Variants in TRIM62 observed in about 807,000 individuals in gnomAD.
TRIM62 encodes the protein E3 ubiquitin-protein ligase TRIM62.
TRIM62 carries 39 observed loss-of-function variants against 44.2 expected under a neutral mutation model. That is an observed-to-expected ratio of 0.88 (90% confidence interval 0.68 to 1.15). The LOEUF is 1.15. TRIM62 is among the 50% of genes most tolerant of loss of function. The probability of loss-of-function intolerance (pLI) is 0.00; values close to 1 mark genes in which losing one functional copy is unlikely to be tolerated. For synonymous variants in TRIM62, 278 were observed against 292.3 expected (o/e 0.95, Z 0.50); for missense variants, 544 against 665.5 (o/e 0.82, Z 2.01).
chr1:33,174,474 G>A (rs762374061), intron 1 of TRIM62, among the ~76,000 whole-genome samples: 11 of 152,138 alleles, frequency 7.2e-5, no homozygotes, highest in Non-Finnish European at 1.0e-4. Flanking sequence ...GTGAGCTACT[G>A]TGCCCAGCTA....
At chr1:33,151,516 G>A (rs1645097874) in intron 4 of TRIM62, among the ~76,000 whole-genome samples, 1 of 152,080 alleles carries the variant, frequency 6.6e-6, no homozygotes, top group African/African-American at 2.4e-5. Context: ...GACCTAGAAG[G>A]GGCATGGCAA....
intron 1 of TRIM62, chr1:33,176,667 G>A: frequency 4.8e-6 from 2 of 417,642 alleles, no homozygotes; most frequent in Admixed American, 7.8e-5. Context: ...CAGGCAGGGT[G>A]GCTGGGAGAC....
chr1:33,169,398 T>C (rs1308077028), intron 1 of TRIM62, among the ~76,000 whole-genome samples: 1 of 152,148 alleles, frequency 6.6e-6, no homozygotes, highest in Non-Finnish European at 1.5e-5. Flanking sequence ...CTGCCTCTGG[T>C]TCGGTTTTTA....
rs1408513024 is a variant in TRIM62 at position 33,181,259 on chromosome 1, G to A, written c.174C>T (p.Ala58=). 14 of 1,548,232 alleles carry A rather than the reference G, an allele frequency of 9.0e-6. No homozygotes were observed. Among genetic ancestry groups the A allele is most frequent in the Non-Finnish European group, 1.2e-5 (14 of 1,152,530 alleles). ...RDCPECRRTF[A]EPALAPSLKL... ...TGAGGCTGGGCGCCAGCGCGGGCTCGGCGAACGTGCGCCGGCACTCGGGGC... is the reference window on the plus strand; with the variant it reads ...TGAGGCTGGGCGCCAGCGCGGGCTCAGCGAACGTGCGCCGGCACTCGGGGC... The change falls in exon 1 of 5, where the codon GCC becomes GCT. Residue 58 remains alanine, a synonymous_variant. Transcript: ENST00000291416. This position sits in a 1 kb window ranked among gnomAD's most constrained non-coding sequence, Gnocchi z 6.5.
intron 4 of TRIM62, among the ~76,000 whole-genome samples, chr1:33,149,820 T>C (rs143196730): frequency 6.6e-6 from 1 of 152,300 alleles, no homozygotes; most frequent in Non-Finnish European, 1.5e-5. Context: ...TGATCACATT[T>C]TGCCCTATTT....
chr1:33,158,648 G>A (rs950052209), intron 3 of TRIM62, among the ~76,000 whole-genome samples: 5 of 152,136 alleles, frequency 3.3e-5, no homozygotes, highest in Admixed American at 2.6e-4. Context: ...CACAGTGCTC[G>A]GTCACGGTCA....
intron 1 of TRIM62, among the ~76,000 whole-genome samples, chr1:33,178,631 T>TC (rs1645439022): frequency 6.6e-6 from 1 of 152,138 alleles, no homozygotes; most frequent in South Asian, 2.1e-4. Context: ...AAAGTCCTGG[T>TC]AGGAAGGAAG....
chr1:33,160,355 TGAAG>T (rs1645247970), intron 2 of TRIM62, among the ~76,000 whole-genome samples: 1 of 151,960 alleles, frequency 6.6e-6, no homozygotes, highest in Non-Finnish European at 1.5e-5. Flanking sequence ...GGGGACAGGG[TGAAG>T]ATGTTCTCTC....
chr1:33,180,927 A>G, intron 1 of TRIM62, 98 bp downstream of exon 1: 4 of 673,712 alleles, frequency 5.9e-6, no homozygotes, highest in Non-Finnish European at 8.4e-6. Flanking sequence ...GACCATTCTG[A>G]CTGGGCCTGG....
intron 4 of TRIM62, among the ~76,000 whole-genome samples, chr1:33,155,519 T>C (rs1557752455): frequency 6.6e-6 from 1 of 152,100 alleles, no homozygotes; most frequent in Non-Finnish European, 1.5e-5. Context: ...GCCTCCTTCC[T>C]GGTGTGTGTG....
chr1:33,147,473 T>C lies in TRIM62; in HGVS notation c.1132A>G (p.Ile378Val). Reference protein sequence around the residue: ...AHEAASRKGSIQIQPSRGFYC... With the variant: ...AHEAASRKGSVQIQPSRGFYC... Reference sequence around the variant, plus strand: ...AAGCCGCGGCTGGGCTGGATCTGGATGCTGCCCTTGCGGCTTGCGGCTTCG... The same window carrying C: ...AAGCCGCGGCTGGGCTGGATCTGGACGCTGCCCTTGCGGCTTGCGGCTTCG... Residue 378 changes from isoleucine to valine, a missense_variant, in exon 5 of 5, where the codon ATC (isoleucine) becomes GTC (valine). Transcript: ENST00000291416. This position sits in a 1 kb window ranked among gnomAD's most constrained non-coding sequence, Gnocchi z 8.1. 1.2e-6 allele frequency: 2 copies of C among 1,613,938 alleles called. No homozygotes were observed. The highest frequency in any genetic ancestry group is 1.7e-6 in the Non-Finnish European group (2 of 1,179,998).
At chr1:33,151,809 C>T (rs673894) in intron 4 of TRIM62, among the ~76,000 whole-genome samples, 139,941 of 152,266 alleles carry the variant, frequency 0.92, 65,037 homozygotes, top group Non-Finnish European at 0.99. Flanking sequence ...AGATGTTTCC[C>T]GGCCACCACT....
At chr1:33,160,750 G>A (rs1035701994) in intron 2 of TRIM62, among the ~76,000 whole-genome samples, 3 of 152,134 alleles carry the variant, frequency 2.0e-5, no homozygotes, top group Non-Finnish European at 2.9e-5. Context: ...CATTCAGGGG[G>A]CTCAAGGAAA....
chr1:33,145,854 T>G lies in TRIM62; in HGVS notation c.*1323A>C. ...GGGGCTTGCTCCACCCACCCTAACT[T>G]CCTTCTAGGGAAATGACATTTCCCA... On this transcript the variant is annotated 3_prime_UTR_variant, in exon 5 of 5. Transcript: ENST00000291416. 2.1e-6 allele frequency: 1 copy of G among 471,068 alleles called. No individual in the cohort carries two copies. Among genetic ancestry groups the G allele is most frequent in the Middle Eastern group, 3.2e-4 (1 of 3,078 alleles). The allele number at this position is 471,068 out of a possible 1,614,324, so 29.2% of individuals were successfully genotyped here. A position where few individuals can be genotyped will look rare whatever the true frequency, so the allele number is the denominator to read the frequency against.
intron 2 of TRIM62, 150 bp from the exon 3 acceptor site, chr1:33,160,094 G>T: frequency 9.6e-7 from 1 of 1,038,774 alleles, no homozygotes. Flanking sequence ...CAAAAGCATG[G>T]TGGTAGGAAA....
chr1:33,174,953 A>G (rs1232813637), intron 1 of TRIM62, among the ~76,000 whole-genome samples: 20 of 15,236 alleles, frequency 1.3e-3, no homozygotes, highest in Admixed American at 3.3e-3. Flanking sequence ...GTGTATATAT[A>G]TATATATATA....
Position 33,177,037 on chromosome 1 carries a change from A to T in TRIM62, c.408+3988T>A, listed in dbSNP as rs1029767651. ...GAGGAAGACACCAACACACATACAC[A>T]TGCACACACACACGCACACACACAC... On this transcript the variant is annotated intron_variant, in intron 1 of 4. Coordinates refer to ENST00000291416, the MANE Select transcript of TRIM62 (RefSeq NM_018207.3). This position sits in a 1 kb window ranked among gnomAD's most constrained non-coding sequence, Gnocchi z 4.1. Among the ~76,000 whole-genome samples, 1 of 74,674 alleles carries T rather than the reference A, an allele frequency of 1.3e-5. No individual in the cohort carries two copies. The highest frequency in any genetic ancestry group is 2.7e-5 in the Non-Finnish European group (1 of 36,724). 49.0% of individuals were successfully genotyped at this position (74,674 alleles called of 152,430 possible).
In TRIM62 at chr1:33,181,255, G is replaced by T; in HGVS notation, c.178C>A (p.Pro60Thr). ...CPECRRTFAE[P>T]ALAPSLKLAN... ...AGCTTGAGGCTGGGCGCCAGCGCGG[G>T]CTCGGCGAACGTGCGCCGGCACTCG... The change falls in exon 1 of 5, where the codon CCC becomes ACC. Residue 60 changes from proline (P) to threonine (T), a missense_variant. Pro to Thr is a conservative substitution (Grantham distance 38, BLOSUM62 -1). Transcript: ENST00000291416. This position sits in a 1 kb window ranked among gnomAD's most constrained non-coding sequence, Gnocchi z 6.5. 1 of 1,548,944 alleles carries T rather than the reference G, an allele frequency of 6.5e-7. No individual in the cohort carries two copies. Among genetic ancestry groups the T allele is most frequent in the South Asian group, 1.2e-5 (1 of 85,300 alleles).
At chr1:33,179,988 TTTTGTTTG>T (rs201963003) in intron 1 of TRIM62, among the ~76,000 whole-genome samples, 9 of 152,238 alleles carry the variant, frequency 5.9e-5, no homozygotes, top group Non-Finnish European at 1.3e-4. Flanking sequence ...GTTCTAATGT[TTTTGTTTG>T]TTTGTTTGTT....
Sources: allele counts gnomAD v4.1 joint callset (sites outside exome capture counted in the v4.1 genomes callset), GRCh38; gene constraint gnomAD v4.1.1; non-coding constraint Gnocchi (gnomAD v3.1); transcripts MANE v1.5; gene names NCBI Gene and HGNC (gene_info 2026-07-23, HGNC 2026-07-21).